Variants in ESRP1 observed in about 807,000 individuals in gnomAD.
The protein encoded by ESRP1 is RNA-binding motif protein 35A.
Under a neutral mutation model 81.7 loss-of-function variants are expected in ESRP1, and 33 were observed. That is an observed-to-expected ratio of 0.40 (90% CI 0.31 to 0.54). The LOEUF (loss-of-function observed/expected upper bound fraction) is 0.54. ESRP1 is among the 20% of genes least tolerant of loss of function. ESRP1 has a pLI of 0.41. For missense variants in ESRP1, 672 were observed against 833.1 expected (o/e 0.81, Z 2.38); for synonymous variants, 320 against 303.3 (o/e 1.06, Z -0.57).
intron 3 of ESRP1, 22 bp from the exon 4 acceptor site, chr8:94,646,146 T>A: frequency 7.0e-7 from 1 of 1,429,632 alleles, no homozygotes; most frequent in Non-Finnish European, 9.8e-7. Flanking sequence ...TAGTTAACAT[T>A]ATCTACCTTG....
In ESRP1 at chr8:94,662,363, G is replaced by A. The variant is rs1818788977; in HGVS notation, c.582G>A (p.Glu194=). 1.3e-6 allele frequency: 2 copies of A among 1,573,996 alleles called. No homozygotes were observed. Among genetic ancestry groups the A allele is most frequent in the Middle Eastern group, 1.7e-4 (1 of 6,000 alleles). The part of the protein sequence containing the change: ...MGNIILAMIS[E]PYNHRFSDPE... ...ATATAATTTTAGCAATGATTTCAGAGCCTTATAGTAAGTATTGCTTTTATA... is the reference window on the plus strand; with the variant it reads ...ATATAATTTTAGCAATGATTTCAGAACCTTATAGTAAGTATTGCTTTTATA... Residue 194 remains glutamate (E), a synonymous_variant, in exon 5 of 16, where the codon GAG becomes GAA. Transcript: ENST00000433389.
intron 9 of ESRP1, among the ~76,000 whole-genome samples, chr8:94,667,227 A>C (rs1238491862): frequency 2.0e-5 from 3 of 150,852 alleles, no homozygotes; most frequent in Admixed American, 6.6e-5. Context: ...CAAAAAAAAA[A>C]CAAAAAAGAA....
At chr8:94,679,500 G>A (rs1228832160) in intron 13 of ESRP1, among the ~76,000 whole-genome samples, 2 of 152,172 alleles carry the variant, frequency 1.3e-5, no homozygotes, top group African/African-American at 4.8e-5. Context: ...TGTAATTGTA[G>A]AATATCCACT....
Position 94,642,089 on chromosome 8 carries a change from C to G in ESRP1, c.261+5C>G. 1 of 1,609,810 alleles carries G rather than the reference C, an allele frequency of 6.2e-7. No homozygotes were observed. Reference sequence around the variant, plus strand: ...CTGGACCAAGCCCTCCGACAGGTGACAACCCCGGGTCACGCCACCCACCCC... The same window carrying G: ...CTGGACCAAGCCCTCCGACAGGTGAGAACCCCGGGTCACGCCACCCACCCC... On this transcript the variant is annotated splice_donor_5th_base_variant and intron_variant, in intron 2 of 15. Coordinates refer to ENST00000433389, the MANE Select transcript of ESRP1 (RefSeq NM_017697.4).
At chr8:94,700,756 C>T (rs972108543) in intron 15 of ESRP1, among the ~76,000 whole-genome samples, 3 of 151,646 alleles carry the variant, frequency 2.0e-5, no homozygotes, top group Non-Finnish European at 4.4e-5. Flanking sequence ...GGTGAAACCC[C>T]GTCTCTACTA....
At chr8:94,700,937 ATGTGTGTG>A (rs1158857032) in intron 15 of ESRP1, among the ~76,000 whole-genome samples, 1 of 125,838 alleles carries the variant, frequency 7.9e-6, no homozygotes, top group South Asian at 2.5e-4. Flanking sequence ...TCAAAAAAAA[ATGTGTGTG>A]TGTGTGTATG....
chr8:94,661,213 G>C (rs899824891), intron 4 of ESRP1, among the ~76,000 whole-genome samples: 1 of 151,986 alleles, frequency 6.6e-6, no homozygotes, highest in Admixed American at 6.6e-5. Context: ...GTTAATTTTG[G>C]TATTTTTAGT....
rs1563532956 is a variant in ESRP1 at position 94,671,520 on chromosome 8, C to A, written c.1301C>A (p.Pro434His). The A allele has an allele frequency of 2.5e-6, 4 of 1,613,936 alleles. No individual in the cohort carries two copies. Among genetic ancestry groups the A allele is most frequent in the Non-Finnish European group, 3.4e-6 (4 of 1,179,854 alleles). ...LPTPPIIPVL[P>H]QQFVPPTNVR... ...ACCCCTCCCATTATTCCAGTACTACCTCAGCAATTTGTGCCCCCTACAAAT... is the reference window on the plus strand; with the variant it reads ...ACCCCTCCCATTATTCCAGTACTACATCAGCAATTTGTGCCCCCTACAAAT... Residue 434 changes from proline (P) to histidine (H), a missense_variant, in exon 11 of 16, where the codon CCT becomes CAT. By Grantham distance (77) the Pro-to-His change is moderately conservative (BLOSUM62 -2). Coordinates refer to ENST00000433389, the MANE Select transcript of ESRP1 (RefSeq NM_017697.4).
Position 94,674,490 on chromosome 8 carries a change from G to GCCATGTAAGTTA in ESRP1, c.1647_1651+7dup. 6.2e-7 allele frequency: 1 copy of GCCATGTAAGTTA among 1,612,776 alleles called. No individual in the cohort carries two copies. Among genetic ancestry groups the GCCATGTAAGTTA allele is most frequent in the African/African-American group, 1.3e-5 (1 of 74,922 alleles). On this transcript the variant is annotated inframe_insertion, in exon 12 of 16. Transcript: ENST00000433389. ...TAAATCGAAATGGCTTATCCCCACC[G>GCCATGTAAGTTA]CCATGTAAGTTACCATGTAAGTTTT...
chr8:94,668,135 C>T lies in ESRP1; in HGVS notation c.1118C>T (p.Ala373Val), dbSNP rs770201085. 6.2e-7 allele frequency: 1 copy of T among 1,614,004 alleles called. No individual in the cohort carries two copies. The highest frequency in any genetic ancestry group is 8.5e-7 in the Non-Finnish European group (1 of 1,179,892). The stretch of plus-strand genomic sequence containing the variant: ...CCAGATGGTAGGCCAACAGGGGACG[C>T]TTTTGTCCTCTTTGCCTGTGAGGAA... The part of the protein sequence containing the change: ...TYPDGRPTGD[A>V]FVLFACEEYA... The change falls in exon 10 of 16, where the codon GCT becomes GTT. Residue 373 changes from alanine to valine, a missense_variant. By Grantham distance (64) the Ala-to-Val change is moderately conservative (BLOSUM62 0). Coordinates refer to ENST00000433389, the MANE Select transcript of ESRP1 (RefSeq NM_017697.4).
intron 6 of ESRP1, among the ~76,000 whole-genome samples, chr8:94,664,121 T>C (rs1586201293): frequency 2.4e-5 from 1 of 41,086 alleles, no homozygotes; most frequent in African/African-American, 9.0e-5. Flanking sequence ...TTTCCTCAGC[T>C]TTTTTTTTTT....
chr8:94,674,165 C>T, intron 11 of ESRP1, 143 bp from the exon 12 acceptor site: 1 of 837,602 alleles, frequency 1.2e-6, no homozygotes, highest in East Asian at 2.7e-5. Context: ...AGTCAGGTTC[C>T]AGCAGATCAC....
chr8:94,682,024 T>C (rs1394050754), intron 13 of ESRP1, among the ~76,000 whole-genome samples: 1 of 152,234 alleles, frequency 6.6e-6, no homozygotes, highest in Non-Finnish European at 1.5e-5. Context: ...TTGTTTTCTC[T>C]TTTTGGGCTT....
At chr8:94,671,780 TAG>T in intron 11 of ESRP1, 109 bp downstream of exon 11, 1 of 667,002 alleles carries the variant, frequency 1.5e-6, no homozygotes, top group Non-Finnish European at 2.3e-6. Flanking sequence ...TATTAGATAT[TAG>T]TCTTTGATAA....
intron 13 of ESRP1, among the ~76,000 whole-genome samples, chr8:94,690,299 TTTTTTG>T (rs60043913): frequency 0.24 from 26,786 of 112,922 alleles, 2,983 homozygotes; most frequent in East Asian, 0.45. Context: ...TTTTTTTTTT[TTTTTTG>T]GATTTTTAGT....
chr8:94,644,924 G>A (rs980994409), intron 3 of ESRP1, among the ~76,000 whole-genome samples: 3 of 151,946 alleles, frequency 2.0e-5, no homozygotes, highest in African/African-American at 7.3e-5. Flanking sequence ...CTGTAGACAA[G>A]CATTATTTAC....
chr8:94,665,900 CAT>C (rs1164764701), intron 9 of ESRP1, among the ~76,000 whole-genome samples: 3 of 152,198 alleles, frequency 2.0e-5, no homozygotes, highest in South Asian at 2.1e-4. Flanking sequence ...AAACTTAACA[CAT>C]GAGTCACCAG....
Position 94,642,078 on chromosome 8 carries a change from C to A in ESRP1, c.255C>A (p.Leu85=). The change falls in exon 2 of 16, where the codon CTC becomes CTA. Residue 85 remains leucine, a synonymous_variant. Coordinates refer to ENST00000433389, the MANE Select transcript of ESRP1 (RefSeq NM_017697.4). ...CGGCGTCGCAGCTGGACCAAGCCCT[C>A]CGACAGGTGACAACCCCGGGTCACG... ...LSSASQLDQA[L]RQFNQSVSNE... 6.2e-7 allele frequency: 1 copy of A among 1,611,490 alleles called. No homozygotes were observed. The highest frequency in any genetic ancestry group is 8.5e-7 in the Non-Finnish European group (1 of 1,179,712).
chr8:94,674,567 C>T lies in ESRP1; in HGVS notation c.1651+61C>T, dbSNP rs1663431490. The T allele has an allele frequency of 1.1e-5, 16 of 1,453,468 alleles. No homozygotes were observed. In the Admixed American group the frequency reaches 1.9e-4, roughly 17 times the overall value. The allele number at this position is 1,453,468 out of a possible 1,614,324, so 90.0% of individuals were successfully genotyped here. A position where few individuals can be genotyped will look rare whatever the true frequency, so the allele number is the denominator to read the frequency against. On this transcript the variant is annotated intron_variant, in intron 12 of 15. Transcript: ENST00000433389. The stretch of plus-strand genomic sequence containing the variant: ...TATATGCTGGTAGGTGCTTAAGCTG[C>T]TTTCGTAACTTTCTGTGCCCCTGGT...
Sources: allele counts gnomAD v4.1 joint callset (sites outside exome capture counted in the v4.1 genomes callset), GRCh38; gene constraint gnomAD v4.1.1; transcripts MANE v1.5; gene names NCBI Gene and HGNC (gene_info 2026-07-23, HGNC 2026-07-21).